Variants in TBC1D23 observed in about 807,000 individuals in gnomAD.
The protein encoded by TBC1D23 is HCV non-structural protein 4A-transactivated protein 1.
In TBC1D23, 55 loss-of-function variants were observed where a neutral mutation model predicts 91.4. The observed-to-expected ratio is 0.60, with a 90% CI of 0.48 to 0.75. The LOEUF is 0.75. Ranked by LOEUF, TBC1D23 falls within the 30% of genes least tolerant of loss-of-function variation. TBC1D23 has a pLI of 0.00. For missense variants in TBC1D23, 725 were observed against 836.1 expected (o/e 0.87, Z 1.64); for synonymous variants, 289 against 281.0 (o/e 1.03, Z -0.28).
intron 4 of TBC1D23, among the ~76,000 whole-genome samples, chr3:100,284,400 A>G (rs1035222312): frequency 3.8e-4 from 58 of 152,124 alleles, no homozygotes; most frequent in African/African-American, 1.3e-3. Flanking sequence ...CCCTATTTTA[A>G]TTTATTTGCC....
chr3:100,274,755 CATTATAT>C (rs1445166547), intron 1 of TBC1D23, among the ~76,000 whole-genome samples: 2 of 147,576 alleles, frequency 1.4e-5, no homozygotes, highest in Non-Finnish European at 1.5e-5. Context: ...TATAATAGTC[CATTATAT>C]ATTATATATA....
intron 16 of TBC1D23, 85 bp from the exon 17 acceptor site, chr3:100,318,984 C>T: frequency 3.5e-6 from 3 of 852,614 alleles, no homozygotes; most frequent in Non-Finnish European, 5.3e-6. Flanking sequence ...CTTCAAAATA[C>T]TACTGAAATT....
chr3:100,302,046 A>G (rs754805705), intron 10 of TBC1D23, 21 bp from the exon 11 acceptor site: 1 of 1,566,462 alleles, frequency 6.4e-7, no homozygotes, highest in African/African-American at 1.4e-5. Context: ...TCAAGTTTTT[A>G]ACTTTAAAAA....
At chr3:100,281,423 A>G (rs1576164270) in intron 2 of TBC1D23, among the ~76,000 whole-genome samples, 1 of 152,224 alleles carries the variant, frequency 6.6e-6, no homozygotes, top group Non-Finnish European at 1.5e-5. Flanking sequence ...GCACAGATGT[A>G]CTTTTTCTTT....
chr3:100,320,361 G>T (rs753969473), intron 17 of TBC1D23, among the ~76,000 whole-genome samples: 1 of 152,096 alleles, frequency 6.6e-6, no homozygotes, highest in Non-Finnish European at 1.5e-5. Context: ...AAAATATGTA[G>T]GGAAACCCAA....
At chr3:100,261,572 A>T (rs925561239) in intron 1 of TBC1D23, 1 of 153,178 alleles carries the variant, frequency 6.5e-6, no homozygotes, top group Non-Finnish European at 1.5e-5. Flanking sequence ...TCTGGCTGTT[A>T]TCTCGTTTTG....
chr3:100,293,519 C>T (rs1385930560), intron 5 of TBC1D23, among the ~76,000 whole-genome samples: 1 of 152,140 alleles, frequency 6.6e-6, no homozygotes, highest in Non-Finnish European at 1.5e-5. Flanking sequence ...AAAAGTAATT[C>T]CTAAACCACT....
intron 5 of TBC1D23, among the ~76,000 whole-genome samples, chr3:100,294,029 CAA>C (rs1364342411): frequency 2.5e-4 from 38 of 152,254 alleles, no homozygotes; most frequent in Admixed American, 1.3e-4. Context: ...TAGTATTGCA[CAA>C]AGAGTGCACT....
intron 11 of TBC1D23, 144 bp from the exon 12 acceptor site, chr3:100,304,702 C>T (rs1363644947): frequency 1.6e-6 from 1 of 619,838 alleles, no homozygotes; most frequent in Admixed American, 3.1e-5. Flanking sequence ...CCTCTCTCTG[C>T]CAAAGTCCAA....
intron 15 of TBC1D23, among the ~76,000 whole-genome samples, chr3:100,314,575 G>C (rs1357406466): frequency 6.6e-6 from 1 of 152,066 alleles, no homozygotes; most frequent in African/African-American, 2.4e-5. Flanking sequence ...AGACCATTCT[G>C]TGCAGCATAG....
intron 8 of TBC1D23, among the ~76,000 whole-genome samples, chr3:100,296,621 A>G (rs1296719348): frequency 6.6e-6 from 1 of 152,128 alleles, no homozygotes; most frequent in Non-Finnish European, 1.5e-5. Flanking sequence ...GCACTTTGGG[A>G]GGCCAAGGTG....
Position 100,279,680 on chromosome 3 carries a change from G to A in TBC1D23, c.85G>A (p.Gly29Arg). ...EKDLEEALEA[G>R]GCDLETLRNI... ...AGATCTTGAAGAAGCTCTGGAAGCAGGAGGTTGTGATCTTGAAACGTTGAG... is the reference window on the plus strand; with the variant it reads ...AGATCTTGAAGAAGCTCTGGAAGCAAGAGGTTGTGATCTTGAAACGTTGAG... Residue 29 changes from glycine to arginine, a missense_variant, in exon 2 of 19, where the codon GGA (glycine) becomes AGA (arginine). Gly to Arg is a moderately radical substitution (Grantham distance 125, BLOSUM62 -2). Coordinates refer to ENST00000394144, the MANE Select transcript of TBC1D23 (RefSeq NM_001199198.3). 6.2e-7 allele frequency: 1 copy of A among 1,607,330 alleles called. No individual in the cohort carries two copies. The highest frequency in any genetic ancestry group is 2.2e-5 in the East Asian group (1 of 44,740).
At chr3:100,299,709 C>T (rs374067494) in intron 10 of TBC1D23, among the ~76,000 whole-genome samples, 2 of 152,124 alleles carry the variant, frequency 1.3e-5, no homozygotes, top group Admixed American at 6.5e-5. Context: ...CGGGCTTTCA[C>T]CATGTTGGCC....
rs113832510 is a variant in TBC1D23 at position 100,283,003 on chromosome 3, G to A, written c.272-604G>A. ...CTTTCCCTTCTCTCTCAACAGACTA[G>A]GTAAGAAAACATGCTTAAGTGAAAC... is the stretch of plus-strand genomic sequence containing the variant. On this transcript the variant is annotated intron_variant, in intron 3 of 18. Transcript: ENST00000394144. 8.5e-4 allele frequency among the ~76,000 whole-genome samples: 130 copies of A among 152,246 alleles called. 1 individual carries two copies. The highest frequency in any genetic ancestry group is 3.0e-3 in the African/African-American group (124 of 41,544).
intron 5 of TBC1D23, among the ~76,000 whole-genome samples, chr3:100,292,157 A>G (rs2067797263): frequency 2.0e-5 from 3 of 152,210 alleles, no homozygotes; most frequent in African/African-American, 7.2e-5. Flanking sequence ...AAAGGCAGGT[A>G]AATTCTACAT....
chr3:100,313,403 T>C (rs1332390737), intron 15 of TBC1D23, among the ~76,000 whole-genome samples: 1 of 152,208 alleles, frequency 6.6e-6, no homozygotes, highest in Non-Finnish European at 1.5e-5. Flanking sequence ...AACCATACTA[T>C]AGATGTTTCT....
intron 1 of TBC1D23, among the ~76,000 whole-genome samples, chr3:100,274,374 G>T (rs2067627539): frequency 6.6e-6 from 1 of 152,088 alleles, no homozygotes; most frequent in Non-Finnish European, 1.5e-5. Context: ...TCAAATTTAT[G>T]AATTTTTATA....
chr3:100,291,309 G>T (rs1228743062), intron 5 of TBC1D23, among the ~76,000 whole-genome samples: 1 of 152,142 alleles, frequency 6.6e-6, no homozygotes, highest in African/African-American at 2.4e-5. Context: ...TAGACTAGGC[G>T]CAGTGGCTCA....
chr3:100,297,882 A>ATT lies in TBC1D23; in HGVS notation c.877-32_877-31dup, dbSNP rs3832199. The stretch of plus-strand genomic sequence containing the variant: ...AGAATATTTTTAGGAAGAAAGTTTG[A>ATT]TTTTTTTTTTCATAATGTTTAAAAA... On this transcript the variant is annotated intron_variant, in intron 8 of 18. Transcript: ENST00000394144. 3.0e-3 allele frequency: 4,189 copies of ATT among 1,402,646 alleles called. 2 individuals are homozygous for ATT. Among genetic ancestry groups the ATT allele is most frequent in the East Asian group, 6.1e-3 (239 of 39,172 alleles). The allele number at this position is 1,402,646 out of a possible 1,614,324, so 86.9% of individuals were successfully genotyped here.
Sources: allele counts gnomAD v4.1 joint callset (sites outside exome capture counted in the v4.1 genomes callset), GRCh38; gene constraint gnomAD v4.1.1; transcripts MANE v1.5; gene names NCBI Gene and HGNC (gene_info 2026-07-23, HGNC 2026-07-21).